Variants in SCIN observed in about 807,000 individuals in gnomAD.
SCIN encodes the protein scinderin.
SCIN carries 91 observed loss-of-function variants against 91.8 expected under a neutral mutation model. The ratio of observed to expected loss-of-function variants is 0.99; its 90% confidence interval spans 0.84 to 1.18. SCIN has a LOEUF of 1.18. Among genes scored for constraint, SCIN ranks in the 50% most tolerant of loss-of-function variants. SCIN has a pLI of 0.00. For synonymous variants in SCIN, 367 were observed against 312.6 expected (o/e 1.17, Z -1.84); for missense variants, 1,087 against 863.9 (o/e 1.26, Z -3.24).
chr7:12,591,143 A>G (rs1300702658), intron 3 of SCIN, among the ~76,000 whole-genome samples: 1 of 152,110 alleles, frequency 6.6e-6, no homozygotes, highest in Non-Finnish European at 1.5e-5. Context: ...GTGGTCCAGG[A>G]TATCAGTGGA....
At chr7:12,648,296 T>TC (rs72341044) in intron 13 of SCIN, among the ~76,000 whole-genome samples, 83 of 86,796 alleles carry the variant, frequency 9.6e-4, no homozygotes, top group African/African-American at 2.2e-3. Flanking sequence ...TCTCTCTCTC[T>TC]TTTTTTTTTT....
chr7:12,620,089 TTGTCATATACAAAA>T (rs1168166678), intron 4 of SCIN, among the ~76,000 whole-genome samples: 2 of 152,000 alleles, frequency 1.3e-5, no homozygotes, highest in Non-Finnish European at 2.9e-5. Context: ...TGTACAAACT[TTGTCATATACAAAA>T]TGTCATATAC....
chr7:12,593,512 T>A (rs1782771561), intron 3 of SCIN, among the ~76,000 whole-genome samples: 1 of 152,052 alleles, frequency 6.6e-6, no homozygotes, highest in African/African-American at 2.4e-5. Context: ...TAAAGTATAA[T>A]AATAATTAAA....
intron 3 of SCIN, among the ~76,000 whole-genome samples, chr7:12,582,675 T>C (rs1782511639): frequency 6.6e-6 from 1 of 152,182 alleles, no homozygotes; most frequent in South Asian, 2.1e-4. Context: ...TTCATTCTCC[T>C]AACAGATTTA....
chr7:12,612,018 A>AT (rs1342609472), intron 4 of SCIN, among the ~76,000 whole-genome samples: 2 of 151,642 alleles, frequency 1.3e-5, no homozygotes, highest in African/African-American at 2.4e-5. Flanking sequence ...TTGCCCTCCT[A>AT]TTTTTTTTCA....
At chr7:12,617,558 C>G (rs890292931) in intron 4 of SCIN, among the ~76,000 whole-genome samples, 2 of 152,130 alleles carry the variant, frequency 1.3e-5, no homozygotes, top group Non-Finnish European at 2.9e-5. Flanking sequence ...AATCTTAATA[C>G]CTGAGATTTG....
chr7:12,648,296 T>C (rs1368766263), intron 13 of SCIN, among the ~76,000 whole-genome samples: 2 of 86,764 alleles, frequency 2.3e-5, no homozygotes, highest in African/African-American at 6.1e-5. Context: ...TCTCTCTCTC[T>C]TTTTTTTTTT....
At chr7:12,597,739 G>A (rs968478624) in intron 3 of SCIN, among the ~76,000 whole-genome samples, 3 of 152,168 alleles carry the variant, frequency 2.0e-5, no homozygotes, top group African/African-American at 7.2e-5. Context: ...TAGTGGACCA[G>A]ACTAACTGCC....
At chr7:12,599,370 AGTGTGTGT>A (rs10659954) in intron 3 of SCIN, among the ~76,000 whole-genome samples, 16,506 of 149,304 alleles carry the variant, frequency 0.11, 935 homozygotes, top group Middle Eastern at 0.14. Flanking sequence ...TTTCATGGTG[AGTGTGTGT>A]GTGTGTGTGT....
At chr7:12,590,718 T>C (rs1260504316) in intron 3 of SCIN, among the ~76,000 whole-genome samples, 1 of 152,098 alleles carries the variant, frequency 6.6e-6, no homozygotes, top group Non-Finnish European at 1.5e-5. Flanking sequence ...CGAGATTTCA[T>C]CTGAACCTGT....
chr7:12,651,015 CA>C lies in SCIN; in HGVS notation c.1960-825del, dbSNP rs1413233458. On this transcript the variant is annotated intron_variant, in intron 14 of 15. Transcript: ENST00000297029. This position sits in a 1 kb window ranked among gnomAD's most constrained non-coding sequence, Gnocchi z 5.9. ...ACTGTCCACAGGTTCACATAAAAAT[CA>C]GTTGATAAAGGGCAGATTAATAGGA... Among the ~76,000 whole-genome samples the C allele has an allele frequency of 6.6e-6, 1 of 152,118 alleles. No homozygotes were observed. Among genetic ancestry groups the C allele is most frequent in the African/African-American group, 2.4e-5 (1 of 41,398 alleles).
At chr7:12,601,383 A>G (rs545000776) in intron 3 of SCIN, among the ~76,000 whole-genome samples, 2 of 152,250 alleles carry the variant, frequency 1.3e-5, no homozygotes, top group East Asian at 3.9e-4. Flanking sequence ...TTATTTTGCT[A>G]TTTCTAATTT....
chr7:12,583,537 A>G (rs751977312), intron 3 of SCIN, among the ~76,000 whole-genome samples: 2 of 152,304 alleles, frequency 1.3e-5, no homozygotes, highest in Non-Finnish European at 2.9e-5. Flanking sequence ...ATTAGATAGT[A>G]TGGCCTGGTA....
intron 3 of SCIN, among the ~76,000 whole-genome samples, chr7:12,591,563 G>T (rs908573727): frequency 2.6e-5 from 4 of 152,188 alleles, no homozygotes; most frequent in African/African-American, 7.2e-5. Context: ...GGAGATATCA[G>T]GTAAGGACGG....
rs1783921356 is a variant in SCIN at position 12,644,607 on chromosome 7, G to T, written c.1783G>T (p.Gly595Trp). The T allele has an allele frequency of 6.2e-7, 1 of 1,610,210 alleles. No individual in the cohort carries two copies. The highest frequency in any genetic ancestry group is 8.5e-7 in the Non-Finnish European group (1 of 1,178,304). Residue 595 changes from glycine (G) to tryptophan (W), a missense_variant, in exon 13 of 16, where the codon GGG becomes TGG. Gly to Trp is a radical substitution (Grantham distance 184, BLOSUM62 -2). Coordinates refer to ENST00000297029, the MANE Select transcript of SCIN (RefSeq NM_001112706.3). Reference sequence around the variant, plus strand: ...AGAGGAGTTCTGGAATTCCCTTGGAGGGAAAAAAGACTACCAGACCTCACC... The same window carrying T: ...AGAGGAGTTCTGGAATTCCCTTGGATGGAAAAAAGACTACCAGACCTCACC... Reference protein sequence around the residue: ...EPEEFWNSLGGKKDYQTSPLL... With the variant: ...EPEEFWNSLGWKKDYQTSPLL...
intron 3 of SCIN, among the ~76,000 whole-genome samples, chr7:12,593,213 T>C (rs1466955313): frequency 1.3e-5 from 2 of 152,170 alleles, no homozygotes; most frequent in East Asian, 1.9e-4. Context: ...TGCTATCAGG[T>C]CTTTTGTGCC....
chr7:12,644,726 T>C, intron 13 of SCIN, 21 bp downstream of exon 13: 5 of 1,549,490 alleles, frequency 3.2e-6, no homozygotes, highest in Non-Finnish European at 4.4e-6. Context: ...TTAAAAATAG[T>C]GCGATAGGGC....
In SCIN at chr7:12,570,751, TATCACG is replaced by T; in HGVS notation, c.-35_-30del. The T allele has an allele frequency of 6.5e-7, 1 of 1,542,322 alleles. No homozygotes were observed. Among genetic ancestry groups the T allele is most frequent in the Non-Finnish European group, 8.8e-7 (1 of 1,142,056 alleles). On this transcript the variant is annotated 5_prime_UTR_variant, in exon 1 of 16. Transcript: ENST00000297029. ...TCTCGGTTTAGTCCAAGATCAGCGA[TATCACG>T]CGTCCCCCGGAGCATCGCGTGCAGG...
chr7:12,598,116 G>A (rs913042963), intron 3 of SCIN, among the ~76,000 whole-genome samples: 6 of 152,110 alleles, frequency 3.9e-5, no homozygotes, highest in Non-Finnish European at 7.4e-5. Flanking sequence ...TCAATGAATG[G>A]TTTTTAAACT....
Sources: gnomAD v4.1 joint callset for allele counts (sites outside exome capture counted in the v4.1 genomes callset) on GRCh38, gnomAD v4.1.1 for gene constraint, Gnocchi (gnomAD v3.1) non-coding constraint, MANE v1.5 for transcripts, NCBI Gene and HGNC (gene_info 2026-07-23, HGNC 2026-07-21) for gene names.